The following NEGR1 variants were observed in gnomAD, a reference collection of about 807,000 sequenced individuals.
NEGR1 encodes the protein IgLON family member 4.
NEGR1 carries 10 observed loss-of-function variants against 40.9 expected under a neutral mutation model. The ratio of observed to expected loss-of-function variants is 0.24; its 90% confidence interval spans 0.15 to 0.42. The LOEUF (loss-of-function observed/expected upper bound fraction) is 0.42. Ranked by LOEUF, NEGR1 falls within the 10% of genes least tolerant of loss-of-function variation. The probability of loss-of-function intolerance (pLI) is 1.00; values close to 1 mark genes in which losing one functional copy is unlikely to be tolerated. For missense variants in NEGR1, 352 were observed against 438.9 expected (o/e 0.80, Z 1.77); for synonymous variants, 185 against 166.8 (o/e 1.11, Z -0.84).
intron 6 of NEGR1, among the ~76,000 whole-genome samples, chr1:71,435,084 C>T (rs1646499139): frequency 6.6e-6 from 1 of 151,346 alleles, no homozygotes; most frequent in African/African-American, 2.4e-5. Context: ...GAGCCAGACT[C>T]CATCTCAAAC....
intron 1 of NEGR1, among the ~76,000 whole-genome samples, chr1:71,944,301 G>C (rs979000450): frequency 6.6e-6 from 1 of 152,154 alleles, no homozygotes; most frequent in Non-Finnish European, 1.5e-5. Context: ...TAAAATAGCA[G>C]TATCAAAGAC....
At chr1:72,167,812 T>C (rs1299764572) in intron 1 of NEGR1, among the ~76,000 whole-genome samples, 2 of 151,998 alleles carry the variant, frequency 1.3e-5, no homozygotes, top group Non-Finnish European at 1.5e-5. Context: ...GGATTACATG[T>C]TATTCTGAGT....
intron 1 of NEGR1, among the ~76,000 whole-genome samples, chr1:72,171,569 T>C (rs1246266816): frequency 2.0e-5 from 3 of 152,200 alleles, no homozygotes; most frequent in Non-Finnish European, 2.9e-5. Flanking sequence ...TTGTCTGCTG[T>C]TACTTTAAAT....
At chr1:71,963,878 G>A (rs898805574) in intron 1 of NEGR1, among the ~76,000 whole-genome samples, 1 of 152,060 alleles carries the variant, frequency 6.6e-6, no homozygotes, top group Non-Finnish European at 1.5e-5. Flanking sequence ...AGAAATACGA[G>A]TCCAAATCTG....
intron 1 of NEGR1, among the ~76,000 whole-genome samples, chr1:72,246,312 C>T (rs1188291837): frequency 2.0e-5 from 3 of 152,108 alleles, no homozygotes; most frequent in African/African-American, 7.2e-5. Flanking sequence ...CTTAAACATC[C>T]TTTTATGATA....
intron 1 of NEGR1, among the ~76,000 whole-genome samples, chr1:71,939,410 G>A (rs1645939424): frequency 6.6e-6 from 1 of 152,104 alleles, no homozygotes; most frequent in Admixed American, 6.6e-5. Flanking sequence ...AACAATAAAT[G>A]TAAGCGTGTG....
Position 71,816,588 on chromosome 1 carries a change from C to T in NEGR1, c.410-40291G>A, listed in dbSNP as rs190387875. The stretch of plus-strand genomic sequence containing the variant: ...GAGAACAGCATGATAAATACACACC[C>T]CCAAGATTCAATTACCTCCCTCTGG... On this transcript the variant is annotated intron_variant, in intron 2 of 6. Transcript: ENST00000357731. 6.6e-5 allele frequency among the ~76,000 whole-genome samples: 10 copies of T among 152,054 alleles called. No homozygotes were observed. In the South Asian group the frequency reaches 1.0e-3, roughly 16 times the overall value.
intron 1 of NEGR1, among the ~76,000 whole-genome samples, chr1:72,080,527 T>C (rs1647950637): frequency 6.6e-6 from 1 of 152,140 alleles, no homozygotes; most frequent in Non-Finnish European, 1.5e-5. Context: ...ATGGAAGCTA[T>C]ATTTAAATTT....
intron 6 of NEGR1, among the ~76,000 whole-genome samples, chr1:71,417,427 T>C (rs1646363690): frequency 6.6e-6 from 1 of 152,184 alleles, no homozygotes; most frequent in African/African-American, 2.4e-5. Flanking sequence ...CTTGGAAATA[T>C]TGACTACCAC....
intron 1 of NEGR1, among the ~76,000 whole-genome samples, chr1:72,120,371 A>T (rs1327616669): frequency 6.6e-6 from 1 of 152,024 alleles, no homozygotes; most frequent in African/African-American, 2.4e-5. Context: ...TGAAGAGTAT[A>T]GCTAAAAAAG....
At chr1:71,418,759 A>T (rs1354667376) in intron 6 of NEGR1, among the ~76,000 whole-genome samples, 1 of 152,036 alleles carries the variant, frequency 6.6e-6, no homozygotes, top group Non-Finnish European at 1.5e-5. Context: ...TTGCTTAGGT[A>T]CTTGCTTCCT....
At chr1:71,851,938 A>C (rs1659617317) in intron 2 of NEGR1, among the ~76,000 whole-genome samples, 2 of 152,162 alleles carry the variant, frequency 1.3e-5, no homozygotes, top group African/African-American at 4.8e-5. Context: ...CCTTTTACAC[A>C]AGGTTCTTGG....
intron 2 of NEGR1, among the ~76,000 whole-genome samples, chr1:71,845,136 T>C (rs1467008552): frequency 6.6e-6 from 1 of 152,174 alleles, no homozygotes; most frequent in Non-Finnish European, 1.5e-5. Flanking sequence ...TTGCACAGTA[T>C]GCAGTCACAA....
chr1:71,875,055 C>A (rs1003221750), intron 2 of NEGR1, among the ~76,000 whole-genome samples: 1 of 152,030 alleles, frequency 6.6e-6, no homozygotes, highest in African/African-American at 2.4e-5. Context: ...CCATGTTGCC[C>A]AGGCTGGTCT....
At chr1:71,950,358 G>A (rs1248832621) in intron 1 of NEGR1, among the ~76,000 whole-genome samples, 1 of 151,808 alleles carries the variant, frequency 6.6e-6, no homozygotes, top group African/African-American at 2.4e-5. Context: ...ATAAATGCAT[G>A]GGAATTATAA....
At chr1:71,595,299 G>A (rs576291384) in intron 5 of NEGR1, among the ~76,000 whole-genome samples, 13 of 152,292 alleles carry the variant, frequency 8.5e-5, no homozygotes, top group African/African-American at 2.9e-4. Flanking sequence ...TAAGTTCCCC[G>A]AGGTAATTTT....
At chr1:71,823,401 G>C (rs965677707) in intron 2 of NEGR1, among the ~76,000 whole-genome samples, 7 of 151,720 alleles carry the variant, frequency 4.6e-5, no homozygotes, top group Non-Finnish European at 1.0e-4. Flanking sequence ...CTCTCATTTT[G>C]GGTAGAAGAA....
At chr1:71,840,983 C>T (rs1659216008) in intron 2 of NEGR1, among the ~76,000 whole-genome samples, 1 of 152,112 alleles carries the variant, frequency 6.6e-6, no homozygotes, top group African/African-American at 2.4e-5. Flanking sequence ...TTTCCTGAGT[C>T]TCCAGCCTAG....
chr1:72,083,410 GT>G (rs1482775320), intron 1 of NEGR1, among the ~76,000 whole-genome samples: 7 of 151,976 alleles, frequency 4.6e-5, no homozygotes, highest in African/African-American at 1.7e-4. Context: ...TGCAGTGGCT[GT>G]TCACAGGTGA....
Sources: gnomAD v4.1 joint callset for allele counts (sites outside exome capture counted in the v4.1 genomes callset) on GRCh38, gnomAD v4.1.1 for gene constraint, MANE v1.5 for transcripts, NCBI Gene and HGNC (gene_info 2026-07-23, HGNC 2026-07-21) for gene names.